AUTS2: variants seen among roughly 807,000 people sequenced by gnomAD.
The protein encoded by AUTS2 is autism susceptibility gene 2 protein.
A neutral mutation model predicts 112.4 loss-of-function variants in AUTS2; 17 were observed. That is an observed-to-expected ratio of 0.15 (90% CI 0.10 to 0.23). AUTS2 has a LOEUF of 0.23. Ranked by LOEUF, AUTS2 falls within the 10% of genes least tolerant of loss-of-function variation. The pLI is 1.00. For synonymous variants in AUTS2, 751 were observed against 702.7 expected, an observed-to-expected ratio of 1.07 and a Z score of -1.09; for missense variants, 1,510 against 1,701.6, an observed-to-expected ratio of 0.89 and a Z score of 1.98.
chr7:70,273,069 G>T (rs1787766268), intron 4 of AUTS2, among the ~76,000 whole-genome samples: 1 of 151,984 alleles, frequency 6.6e-6, no homozygotes, highest in Non-Finnish European at 1.5e-5. Flanking sequence ...ATTTTTTTGA[G>T]ACAGGGTCTC....
intron 1 of AUTS2, among the ~76,000 whole-genome samples, chr7:69,750,543 TGG>T (rs1269696011): frequency 6.6e-6 from 1 of 151,716 alleles, no homozygotes; most frequent in Non-Finnish European, 1.5e-5. Flanking sequence ...TCTCCCAGGC[TGG>T]AGTGCAGTGG....
intron 2 of AUTS2, among the ~76,000 whole-genome samples, chr7:69,907,366 CTTTGGGATACATT>C (rs1795188945): frequency 6.6e-6 from 1 of 152,158 alleles, no homozygotes; most frequent in Non-Finnish European, 1.5e-5. Context: ...TTCTCTTGAA[CTTTGGGATACATT>C]TTTCCTTCCG....
intron 2 of AUTS2, among the ~76,000 whole-genome samples, chr7:70,007,290 A>G (rs2129553723): frequency 6.6e-6 from 1 of 152,356 alleles, no homozygotes; most frequent in Non-Finnish European, 1.5e-5. Flanking sequence ...TTTCCTAAGT[A>G]TAAAAGTAAC....
chr7:70,278,055 T>TCTTCC (rs1788020712), intron 4 of AUTS2, among the ~76,000 whole-genome samples: 1 of 151,974 alleles, frequency 6.6e-6, no homozygotes, highest in Non-Finnish European at 1.5e-5. Flanking sequence ...CATGAACCAT[T>TCTTCC]CTTCCCTTTA....
At chr7:70,241,922 T>C (rs192269026) in intron 4 of AUTS2, among the ~76,000 whole-genome samples, 103 of 152,334 alleles carry the variant, frequency 6.8e-4, no homozygotes, top group Non-Finnish European at 1.0e-3. Flanking sequence ...TCATTGAGGA[T>C]GCTTAGGGCA....
At chr7:70,628,201 A>T (rs916777677) in intron 5 of AUTS2, among the ~76,000 whole-genome samples, 1 of 152,220 alleles carries the variant, frequency 6.6e-6, no homozygotes, top group Non-Finnish European at 1.5e-5. Flanking sequence ...TCAAAAAAAC[A>T]TGTTTATTTG....
chr7:69,878,158 G>T (rs933284098), intron 1 of AUTS2, among the ~76,000 whole-genome samples: 1 of 152,124 alleles, frequency 6.6e-6, no homozygotes, highest in African/African-American at 2.4e-5. Context: ...TGGCAGGTAG[G>T]GTGAGGAGGT....
At chr7:70,472,021 C>G (rs780477479) in intron 5 of AUTS2, among the ~76,000 whole-genome samples, 14 of 152,090 alleles carry the variant, frequency 9.2e-5, no homozygotes, top group Non-Finnish European at 1.2e-4. Flanking sequence ...AATAAGGCAC[C>G]CATTCAGTTA....
intron 5 of AUTS2, among the ~76,000 whole-genome samples, chr7:70,473,510 T>C (rs879861332): frequency 1.3e-5 from 2 of 152,148 alleles, no homozygotes; most frequent in East Asian, 1.9e-4. Flanking sequence ...GATGAGGTGA[T>C]ATTTCGTTTT....
chr7:70,348,546 T>C (rs1244769854), intron 4 of AUTS2, among the ~76,000 whole-genome samples: 1 of 152,102 alleles, frequency 6.6e-6, no homozygotes, highest in Non-Finnish European at 1.5e-5. Context: ...GGCTCACGCC[T>C]GTAATCCCAG....
At chr7:70,748,942 T>G (rs1199117320) in intron 6 of AUTS2, among the ~76,000 whole-genome samples, 1 of 152,212 alleles carries the variant, frequency 6.6e-6, no homozygotes, top group African/African-American at 2.4e-5. Context: ...CATCAGGTCC[T>G]TGAAGGTGCT....
At chr7:70,130,126 G>A (rs1399926702) in intron 3 of AUTS2, among the ~76,000 whole-genome samples, 1 of 152,074 alleles carries the variant, frequency 6.6e-6, no homozygotes, top group Non-Finnish European at 1.5e-5. Context: ...ATGAAGGTGG[G>A]TAGCCAGGAA....
chr7:69,871,643 A>T (rs1384591770), intron 1 of AUTS2, among the ~76,000 whole-genome samples: 1 of 152,000 alleles, frequency 6.6e-6, no homozygotes, highest in Non-Finnish European at 1.5e-5. Flanking sequence ...CCTTTTTGTG[A>T]TCTGTTGATC....
chr7:70,707,720 A>G (rs561204880), intron 6 of AUTS2, among the ~76,000 whole-genome samples: 1 of 152,310 alleles, frequency 6.6e-6, no homozygotes, highest in East Asian at 1.9e-4. Context: ...CAGAGTCGCC[A>G]TAGTTACTGC....
chr7:69,870,448 AATAT>A (rs11467258), intron 1 of AUTS2, among the ~76,000 whole-genome samples: 19 of 78,964 alleles, frequency 2.4e-4, no homozygotes, highest in East Asian at 4.1e-4. Context: ...ATGTGTGTGT[AATAT>A]ATATATATAT....
At chr7:70,294,849 C>A (rs908526013) in intron 4 of AUTS2, among the ~76,000 whole-genome samples, 1 of 152,166 alleles carries the variant, frequency 6.6e-6, no homozygotes, top group Non-Finnish European at 1.5e-5. Flanking sequence ...AGCCTGGAGT[C>A]GTTTTGTTTG....
At chr7:70,442,039 G>T (rs7802500) in intron 5 of AUTS2, among the ~76,000 whole-genome samples, 2 of 151,964 alleles carry the variant, frequency 1.3e-5, no homozygotes, top group African/African-American at 4.8e-5. Context: ...ATATATTTTG[G>T]TCAGGAGACA....
At chr7:70,583,273 T>A (rs1224062472) in intron 5 of AUTS2, among the ~76,000 whole-genome samples, 1 of 152,180 alleles carries the variant, frequency 6.6e-6, no homozygotes, top group Non-Finnish European at 1.5e-5. Context: ...TTAAAGAGAC[T>A]GGGGAGATTA....
intron 5 of AUTS2, among the ~76,000 whole-genome samples, chr7:70,621,888 C>T (rs1409878487): frequency 7.9e-6 from 1 of 126,412 alleles, no homozygotes; most frequent in Admixed American, 9.9e-5. Flanking sequence ...TCTCTGTCGC[C>T]CAAGCTGGAG....
Sources: gnomAD v4.1 joint callset for allele counts (sites outside exome capture counted in the v4.1 genomes callset) on GRCh38, gnomAD v4.1.1 for gene constraint, MANE v1.5 for transcripts, NCBI Gene and HGNC (gene_info 2026-07-23, HGNC 2026-07-21) for gene names.